Variants in GTF2F2 observed in about 807,000 individuals in gnomAD.
GTF2F2 encodes ATP-dependent helicase GTF2F2.
GTF2F2 carries 23 observed loss-of-function variants against 42.2 expected under a neutral mutation model. The ratio of observed to expected loss-of-function variants is 0.55; its 90% confidence interval spans 0.39 to 0.77. GTF2F2 has a LOEUF of 0.77. Ranked by LOEUF, GTF2F2 falls within the 30% of genes least tolerant of loss-of-function variation. The pLI is 0.00. For missense variants in GTF2F2, 261 were observed against 287.2 expected, an observed-to-expected ratio of 0.91 and a Z score of 0.66; for synonymous variants, 105 against 100.8, an observed-to-expected ratio of 1.04 and a Z score of -0.25.
At chr13:45,127,653 C>T (rs545169029) in intron 1 of GTF2F2, among the ~76,000 whole-genome samples, 29 of 151,114 alleles carry the variant, frequency 1.9e-4, no homozygotes, top group South Asian at 8.3e-4. Context: ...TTTTTGGAGA[C>T]GGAATCTTGC....
chr13:45,243,922 A>G (rs769248635), intron 5 of GTF2F2, among the ~76,000 whole-genome samples: 4 of 152,178 alleles, frequency 2.6e-5, no homozygotes, highest in Non-Finnish European at 4.4e-5. Context: ...TGGCCTCCCA[A>G]AGTGCTGGGA....
At chr13:45,201,221 A>G (rs1873164552) in intron 4 of GTF2F2, among the ~76,000 whole-genome samples, 1 of 152,178 alleles carries the variant, frequency 6.6e-6, no homozygotes, top group Non-Finnish European at 1.5e-5. Flanking sequence ...TTTGACATAG[A>G]GTGTATGTCA....
intron 5 of GTF2F2, among the ~76,000 whole-genome samples, chr13:45,207,835 A>T (rs921595641): frequency 1.3e-5 from 2 of 152,058 alleles, no homozygotes; most frequent in Non-Finnish European, 2.9e-5. Flanking sequence ...CAGGGCTGTA[A>T]TTTTTCCATA....
chr13:45,194,393 G>C lies in GTF2F2; in HGVS notation c.305-13031G>C, dbSNP rs771661691. 2.2e-5 allele frequency: 36 copies of C among 1,614,036 alleles called. No homozygotes were observed. The South Asian group carries it at 4.0e-4, about 18-fold the overall frequency. Reference sequence around the variant, plus strand: ...ATTTTTCCATTTACTATACCTTCAAGGAAAGTGTCTGGGTACTTGGTCAGT... The same window carrying C: ...ATTTTTCCATTTACTATACCTTCAACGAAAGTGTCTGGGTACTTGGTCAGT... On this transcript the variant is annotated intron_variant, in intron 4 of 7. Transcript: ENST00000340473.
chr13:45,205,712 G>T (rs1873385748), intron 4 of GTF2F2, among the ~76,000 whole-genome samples: 1 of 152,016 alleles, frequency 6.6e-6, no homozygotes, highest in Non-Finnish European at 1.5e-5. Context: ...TAGAGACAGG[G>T]TTTCACCATG....
At chr13:45,228,002 C>T (rs1874449375) in intron 5 of GTF2F2, among the ~76,000 whole-genome samples, 1 of 152,166 alleles carries the variant, frequency 6.6e-6, no homozygotes, top group African/African-American at 2.4e-5. Context: ...TCCAGAAGCT[C>T]TTTCATTTGG....
chr13:45,180,438 G>A (rs1034121348), intron 4 of GTF2F2, among the ~76,000 whole-genome samples: 10 of 152,028 alleles, frequency 6.6e-5, no homozygotes, highest in South Asian at 2.1e-4. Context: ...ATTTTTTTCC[G>A]TATGTGTGTG....
At chr13:45,243,037 C>A (rs1381157262) in intron 5 of GTF2F2, among the ~76,000 whole-genome samples, 2 of 151,898 alleles carry the variant, frequency 1.3e-5, no homozygotes, top group East Asian at 3.9e-4. Context: ...AAATTAAATT[C>A]TCAGTATAGT....
At chr13:45,148,185 T>A (rs1341961821) in intron 2 of GTF2F2, among the ~76,000 whole-genome samples, 3 of 152,230 alleles carry the variant, frequency 2.0e-5, no homozygotes, top group African/African-American at 7.2e-5. Context: ...ACAGTGGTTT[T>A]CTAATTGGTC....
chr13:45,262,981 C>T (rs1318173195), intron 6 of GTF2F2, among the ~76,000 whole-genome samples: 1 of 152,158 alleles, frequency 6.6e-6, no homozygotes, highest in Non-Finnish European at 1.5e-5. Context: ...CCCCCTTGGC[C>T]TCCCAGAGCA....
chr13:45,279,936 G>A (rs78250729), intron 7 of GTF2F2, among the ~76,000 whole-genome samples: 2,045 of 150,680 alleles, frequency 0.014, 30 homozygotes, highest in Non-Finnish European at 0.021. Context: ...CAAAAAAGGA[G>A]CATGTGATTT....
At chr13:45,221,478 A>G (rs1232769193) in intron 5 of GTF2F2, among the ~76,000 whole-genome samples, 1 of 152,216 alleles carries the variant, frequency 6.6e-6, no homozygotes, top group Non-Finnish European at 1.5e-5. Context: ...ACCAAAAACC[A>G]TCTGTACCCC....
chr13:45,148,289 A>G (rs1013917568), intron 2 of GTF2F2, among the ~76,000 whole-genome samples: 3 of 152,202 alleles, frequency 2.0e-5, no homozygotes, highest in Admixed American at 6.5e-5. Flanking sequence ...CTTTTGGTCA[A>G]ACAATATCTA....
intron 4 of GTF2F2, among the ~76,000 whole-genome samples, chr13:45,156,589 AT>A (rs986324440): frequency 2.0e-5 from 3 of 151,842 alleles, no homozygotes; most frequent in South Asian, 2.1e-4. Flanking sequence ...AATAGAGGTA[AT>A]TTTTTTTTAA....
intron 4 of GTF2F2, among the ~76,000 whole-genome samples, chr13:45,174,634 CTTTTTTTTT>C (rs397950608): frequency 6.1e-5 from 5 of 81,472 alleles, no homozygotes; most frequent in African/African-American, 9.3e-5. Flanking sequence ...TTTCTTTTTT[CTTTTTTTTT>C]TTTTTTTTTT....
At chr13:45,155,972 TTTC>T (rs1453386604) in intron 4 of GTF2F2, among the ~76,000 whole-genome samples, 1 of 152,134 alleles carries the variant, frequency 6.6e-6, no homozygotes. Context: ...AAAGTTAGAT[TTTC>T]TTCTTTTTTT....
chr13:45,213,977 T>G (rs1278381271), intron 5 of GTF2F2, among the ~76,000 whole-genome samples: 1 of 152,210 alleles, frequency 6.6e-6, no homozygotes, highest in Non-Finnish European at 1.5e-5. Flanking sequence ...TATGGAGGAC[T>G]AGAAGAGAAA....
rs372901327 is a variant in GTF2F2, at chr13:45,228,283, C to CTTTTT, written c.386+20790_386+20794dup. Among the ~76,000 whole-genome samples the CTTTTT allele has an allele frequency of 7.0e-4, 65 of 92,714 alleles. 6 individuals are homozygous for CTTTTT. Among genetic ancestry groups the CTTTTT allele is most frequent in the African/African-American group, 1.4e-3 (24 of 17,640 alleles). The allele number at this position is 92,714 out of a possible 152,430, so 60.8% of individuals were successfully genotyped here. On this transcript the variant is annotated intron_variant, in intron 5 of 7. Transcript: ENST00000340473. ...TTTCCTTATTGCTGCCAGAGTTAAT[C>CTTTTT]TTTTTTTTTTTTTTTTGGAGACGGA...
At chr13:45,131,897 C>CAAA (rs765260379) in intron 1 of GTF2F2, among the ~76,000 whole-genome samples, 639 of 52,952 alleles carry the variant, frequency 0.012, 15 homozygotes, top group African/African-American at 0.019. Flanking sequence ...GACCCTGTCT[C>CAAA]AAAAAAAAAA....
Sources: allele counts gnomAD v4.1 joint callset (sites outside exome capture counted in the v4.1 genomes callset), GRCh38; gene constraint gnomAD v4.1.1; transcripts MANE v1.5; gene names NCBI Gene and HGNC (gene_info 2026-07-23, HGNC 2026-07-21).